ST18: variants seen among roughly 807,000 people sequenced by gnomAD.
ST18 encodes the protein suppression of tumorigenicity 18 protein.
ST18 carries 50 observed loss-of-function variants against 110.0 expected under a neutral mutation model. The ratio of observed to expected loss-of-function variants is 0.45; its 90% CI spans 0.36 to 0.58. The LOEUF (loss-of-function observed/expected upper bound fraction) is 0.58. ST18 is among the 20% of genes least tolerant of loss of function. ST18 has a pLI of 0.00. For missense variants in ST18, 1,306 were observed against 1,280.1 expected, an observed-to-expected ratio of 1.02 and a Z score of -0.31; for synonymous variants, 461 against 452.4, an observed-to-expected ratio of 1.02 and a Z score of -0.24.
intron 2 of ST18, among the ~76,000 whole-genome samples, chr8:52,344,450 G>C (rs982864383): frequency 1.3e-5 from 2 of 151,612 alleles, no homozygotes; most frequent in African/African-American, 4.9e-5. Flanking sequence ...GCCCAGGCTA[G>C]AGTGCAATGG....
At chr8:52,261,902 G>C (rs539716516) in intron 2 of ST18, among the ~76,000 whole-genome samples, 1 of 152,234 alleles carries the variant, frequency 6.6e-6, no homozygotes, top group South Asian at 2.1e-4. Context: ...CATCCTGATG[G>C]CTTTCCTTTT....
intron 2 of ST18, among the ~76,000 whole-genome samples, chr8:52,357,711 ATATATATATATATATATAT>A (rs1472174111): frequency 3.6e-5 from 3 of 82,986 alleles, no homozygotes; most frequent in Non-Finnish European, 6.2e-5. Context: ...ATATATATAT[ATATATATATATATATATAT>A]AAAACAGACT....
At chr8:52,335,970 C>T (rs373628009) in intron 2 of ST18, among the ~76,000 whole-genome samples, 3 of 152,072 alleles carry the variant, frequency 2.0e-5, no homozygotes, top group African/African-American at 7.2e-5. Flanking sequence ...CCCCATCTGT[C>T]TCCCCTCTTG....
At chr8:52,244,190 C>A (rs984142425) in intron 2 of ST18, among the ~76,000 whole-genome samples, 1 of 152,084 alleles carries the variant, frequency 6.6e-6, no homozygotes, top group Non-Finnish European at 1.5e-5. Flanking sequence ...GGTCAGTACA[C>A]GATTTATACC....
At chr8:52,215,156 T>C (rs7015365) in intron 6 of ST18, among the ~76,000 whole-genome samples, 31,657 of 152,084 alleles carry the variant, frequency 0.21, 3,791 homozygotes, top group African/African-American at 0.32. Context: ...AGCTCTGATG[T>C]GGTGTGACTG....
At position 52,180,249 on chromosome 8, in the gene ST18, T is replaced by C; in HGVS notation, c.150A>G (p.Pro50=). The C allele has an allele frequency of 6.2e-7, 1 of 1,614,226 alleles. No individual in the cohort carries two copies. Residue 50 remains proline, a synonymous_variant, in exon 9 of 26, where the codon CCA becomes CCG. Transcript: ENST00000689386. ...TTAGCAGGGATTTCCTTTTGTTGAC[T>C]GGAACCCCCAAAGCCTGATCTTCAG... ...RTAEDQALGV[P]VNKRKSLLMK...
At chr8:52,202,589 T>C (rs966894958) in intron 8 of ST18, among the ~76,000 whole-genome samples, 1 of 152,084 alleles carries the variant, frequency 6.6e-6, no homozygotes, top group Admixed American at 6.5e-5. Flanking sequence ...AGTAAAGAAG[T>C]GCTTGGGGAA....
At chr8:52,334,227 C>A (rs1810993707) in intron 2 of ST18, among the ~76,000 whole-genome samples, 1 of 152,178 alleles carries the variant, frequency 6.6e-6, no homozygotes. Context: ...TGCTTTCATT[C>A]TCTAATTTAA....
At chr8:52,247,929 C>A (rs1276870702) in intron 2 of ST18, among the ~76,000 whole-genome samples, 1 of 152,182 alleles carries the variant, frequency 6.6e-6, no homozygotes, top group African/African-American at 2.4e-5. Flanking sequence ...CTCCTAATTT[C>A]TGGCTATTGT....
intron 2 of ST18, among the ~76,000 whole-genome samples, chr8:52,312,656 C>A (rs2095941609): frequency 6.6e-6 from 1 of 152,104 alleles, no homozygotes; most frequent in Non-Finnish European, 1.5e-5. Context: ...TCTTCTCTAT[C>A]CCAATCAGAA....
chr8:52,146,545 C>T (rs1217283044), intron 16 of ST18, among the ~76,000 whole-genome samples: 1 of 151,940 alleles, frequency 6.6e-6, no homozygotes, highest in Non-Finnish European at 1.5e-5. Flanking sequence ...AACAACTTTA[C>T]CCCCCTCACA....
chr8:52,275,812 C>T (rs1358354302), intron 2 of ST18, among the ~76,000 whole-genome samples: 1 of 152,006 alleles, frequency 6.6e-6, no homozygotes, highest in Non-Finnish European at 1.5e-5. Context: ...GCCCACACCT[C>T]ATAAGGGACA....
At chr8:52,297,004 A>G (rs762877501) in intron 2 of ST18, among the ~76,000 whole-genome samples, 3 of 152,226 alleles carry the variant, frequency 2.0e-5, no homozygotes, top group African/African-American at 4.8e-5. Context: ...AAGAATTACT[A>G]GTACTTAATA....
chr8:52,130,143 G>A (rs1217411402), intron 22 of ST18, among the ~76,000 whole-genome samples: 1 of 149,706 alleles, frequency 6.7e-6, no homozygotes, highest in Non-Finnish European at 1.5e-5. Flanking sequence ...AAGAAAGAAA[G>A]AAAGAAAGAA....
chr8:52,138,199 C>A (rs1357854118), intron 17 of ST18, among the ~76,000 whole-genome samples: 1 of 151,892 alleles, frequency 6.6e-6, no homozygotes, highest in Non-Finnish European at 1.5e-5. Flanking sequence ...GGAACACCAG[C>A]ACCCATTATA....
At chr8:52,392,312 G>T (rs1231722676) in intron 2 of ST18, among the ~76,000 whole-genome samples, 2 of 152,110 alleles carry the variant, frequency 1.3e-5, no homozygotes. Flanking sequence ...GGGAGTGGTG[G>T]TGGTGGTGTT....
At chr8:52,369,431 A>G (rs1163708548) in intron 2 of ST18, among the ~76,000 whole-genome samples, 1 of 152,238 alleles carries the variant, frequency 6.6e-6, no homozygotes, top group Non-Finnish European at 1.5e-5. Context: ...GTGGTAAGCC[A>G]TCTGGTACTG....
At chr8:52,124,490 C>T (rs1176792050) in intron 23 of ST18, among the ~76,000 whole-genome samples, 1 of 152,100 alleles carries the variant, frequency 6.6e-6, no homozygotes, top group Admixed American at 6.6e-5. Flanking sequence ...AATTTTTAAC[C>T]AGCATTTTAG....
intron 2 of ST18, among the ~76,000 whole-genome samples, chr8:52,391,115 C>G (rs1839179925): frequency 6.6e-6 from 1 of 152,208 alleles, no homozygotes; most frequent in African/African-American, 2.4e-5. Flanking sequence ...CCATGGCCAG[C>G]TGGCCCACGC....
Sources: gnomAD v4.1 joint callset for allele counts (sites outside exome capture counted in the v4.1 genomes callset) on GRCh38, gnomAD v4.1.1 for gene constraint, MANE v1.5 for transcripts, NCBI Gene and HGNC (gene_info 2026-07-23, HGNC 2026-07-21) for gene names.